The following ANTXR2 variants were observed in gnomAD, a reference collection of about 807,000 sequenced individuals.
The protein encoded by ANTXR2 is ANTXR cell adhesion molecule 2.
In ANTXR2, 44 loss-of-function variants were observed where a neutral mutation model predicts 73.7. The observed-to-expected ratio is 0.60, with a 90% CI of 0.47 to 0.77. The LOEUF (loss-of-function observed/expected upper bound fraction) is 0.77, where lower values mean the gene tolerates loss of function less well. Among genes scored for constraint, ANTXR2 ranks in the 30% least tolerant of loss-of-function variants. The pLI is 0.00. For synonymous variants in ANTXR2, 217 were observed against 205.9 expected, an observed-to-expected ratio of 1.05 and a Z score of -0.46; for missense variants, 604 against 592.5, an observed-to-expected ratio of 1.02 and a Z score of -0.20.
chr4:79,908,738 AG>A (rs1727014664), intron 16 of ANTXR2, among the ~76,000 whole-genome samples: 3 of 152,180 alleles, frequency 2.0e-5, no homozygotes, highest in Non-Finnish European at 1.5e-5. Flanking sequence ...ATAGAAGATC[AG>A]ATTAAAATGA....
intron 16 of ANTXR2, chr4:79,965,060 C>T (rs1008239668): frequency 1.4e-5 from 2 of 145,590 alleles, no homozygotes; most frequent in Non-Finnish European, 3.0e-5. Context: ...GTGAATTCTT[C>T]CACAAACGTG....
At chr4:79,994,767 G>A (rs1389477650) in intron 12 of ANTXR2, among the ~76,000 whole-genome samples, 1 of 151,816 alleles carries the variant, frequency 6.6e-6, no homozygotes, top group African/African-American at 2.4e-5. Flanking sequence ...AGTACCATGG[G>A]AGGCATCTTT....
chr4:79,934,171 A>T (rs554887744), intron 16 of ANTXR2, among the ~76,000 whole-genome samples: 104 of 152,340 alleles, frequency 6.8e-4, no homozygotes, highest in Admixed American at 1.6e-3. Context: ...GAGTATCAGT[A>T]AATGACCATC....
intron 7 of ANTXR2, among the ~76,000 whole-genome samples, chr4:80,041,995 G>T (rs35487995): frequency 0.063 from 9,650 of 152,074 alleles, 411 homozygotes; most frequent in Middle Eastern, 0.1. Context: ...ATTGACTTTG[G>T]ATTTAAAATG....
chr4:80,026,713 A>G (rs150026890), intron 10 of ANTXR2, among the ~76,000 whole-genome samples: 64 of 152,234 alleles, frequency 4.2e-4, no homozygotes, highest in Middle Eastern at 3.4e-3. Context: ...TCCTATAGCA[A>G]TAAAGAACAA....
At chr4:80,007,185 C>T (rs982514672) in intron 12 of ANTXR2, among the ~76,000 whole-genome samples, 6 of 152,022 alleles carry the variant, frequency 3.9e-5, no homozygotes, top group Non-Finnish European at 8.8e-5. Context: ...TAATAATAAA[C>T]GCAGGGCTAA....
chr4:80,035,152 TA>T (rs1732897345), intron 8 of ANTXR2, among the ~76,000 whole-genome samples: 2 of 152,342 alleles, frequency 1.3e-5, no homozygotes, highest in Non-Finnish European at 2.9e-5. Flanking sequence ...ATTTTAATAT[TA>T]TTTTTCCATT....
chr4:79,978,010 A>G lies in ANTXR2; in HGVS notation c.1344T>C (p.Ile448=). The change falls in exon 15 of 17, where the codon ATT becomes ATC. Residue 448 remains isoleucine, a synonymous_variant. Coordinates refer to ENST00000403729, the MANE Select transcript of ANTXR2 (RefSeq NM_058172.6). The part of the protein sequence containing the change: ...QPPQTKWYTP[I]KGRLDALWAL... ...TACACAAAATCTGGACACATACCTTAATTGGGGTGTACCATTTTGTCTGAG... is the reference window on the plus strand; with the variant it reads ...TACACAAAATCTGGACACATACCTTGATTGGGGTGTACCATTTTGTCTGAG... 1 of 1,591,640 alleles carries G rather than the reference A, an allele frequency of 6.3e-7. No individual in the cohort carries two copies. Among genetic ancestry groups the G allele is most frequent in the Non-Finnish European group, 8.5e-7 (1 of 1,172,198 alleles).
At chr4:80,015,954 A>G (rs1052110171) in intron 11 of ANTXR2, among the ~76,000 whole-genome samples, 1 of 121,208 alleles carries the variant, frequency 8.3e-6, no homozygotes, top group Non-Finnish European at 1.7e-5. Flanking sequence ...AAAGGAAAGG[A>G]AAGGAAAGGA....
intron 12 of ANTXR2, among the ~76,000 whole-genome samples, chr4:79,995,362 G>A (rs535676037): frequency 5.3e-5 from 8 of 151,954 alleles, no homozygotes; most frequent in African/African-American, 1.9e-4. Context: ...AAATGTATAA[G>A]TCAAATATTG....
rs114002475 is a variant in ANTXR2 at position 80,072,325 on chromosome 4, G to A, written c.152+84C>T. ...CGGGTTTCCAACACCACTCCCCGGG[G>A]TGCGCACACGCATCTCAGCCTCAGC... On this transcript the variant is annotated intron_variant, in intron 1 of 16. Coordinates refer to ENST00000403729, the MANE Select transcript of ANTXR2 (RefSeq NM_058172.6). 6.9e-4 allele frequency: 971 copies of A among 1,411,982 alleles called. 13 individuals carry two copies. The African/African-American group carries it at 0.012, about 18-fold the overall frequency. The allele number at this position is 1,411,982 out of a possible 1,614,324, so 87.5% of individuals were successfully genotyped here. A position where few individuals can be genotyped will look rare whatever the true frequency, so the allele number is the denominator to read the frequency against.
chr4:80,041,829 T>C (rs1733278496), intron 7 of ANTXR2, among the ~76,000 whole-genome samples: 1 of 152,116 alleles, frequency 6.6e-6, no homozygotes, highest in Admixed American at 6.6e-5. Flanking sequence ...GAGTATTCCA[T>C]GGTGTATATG....
At chr4:80,018,459 C>G (rs1182961364) in intron 11 of ANTXR2, among the ~76,000 whole-genome samples, 2 of 151,984 alleles carry the variant, frequency 1.3e-5, no homozygotes. Context: ...CAGAAAGCAC[C>G]AATATTTTAA....
chr4:79,985,934 C>T (rs532189228), intron 12 of ANTXR2, among the ~76,000 whole-genome samples: 3 of 151,104 alleles, frequency 2.0e-5, no homozygotes, highest in East Asian at 3.9e-4. Flanking sequence ...CTCCACCTCC[C>T]GGGTTCAAGC....
chr4:80,032,905 G>T (rs766800238), intron 9 of ANTXR2, among the ~76,000 whole-genome samples: 1 of 151,098 alleles, frequency 6.6e-6, no homozygotes, highest in Non-Finnish European at 1.5e-5. Flanking sequence ...AACTATGCTG[G>T]GTGAGAATTT....
intron 7 of ANTXR2, among the ~76,000 whole-genome samples, chr4:80,039,456 A>G (rs1323200695): frequency 6.6e-6 from 1 of 152,124 alleles, no homozygotes; most frequent in Non-Finnish European, 1.5e-5. Context: ...ACAAATTGAA[A>G]TGTTCAAGAT....
chr4:79,916,690 G>A (rs532434353), intron 16 of ANTXR2, among the ~76,000 whole-genome samples: 1 of 152,176 alleles, frequency 6.6e-6, no homozygotes, highest in Admixed American at 6.5e-5. Context: ...TTAAGATACA[G>A]ATAGAAAATG....
intron 13 of ANTXR2, 54 bp from the exon 14 acceptor site, chr4:79,984,024 T>C (rs1729998003): frequency 1.6e-6 from 2 of 1,229,290 alleles, no homozygotes; most frequent in Non-Finnish European, 2.3e-6. Flanking sequence ...AAATACTGTT[T>C]AGTCGGAACT....
chr4:79,963,687 G>T (rs1180006213), intron 16 of ANTXR2, among the ~76,000 whole-genome samples: 1 of 151,864 alleles, frequency 6.6e-6, no homozygotes, highest in Non-Finnish European at 1.5e-5. Flanking sequence ...AATATTTTAC[G>T]TTACTATAGA....
Sources: allele counts gnomAD v4.1 joint callset (sites outside exome capture counted in the v4.1 genomes callset), GRCh38; gene constraint gnomAD v4.1.1; transcripts MANE v1.5; gene names NCBI Gene and HGNC (gene_info 2026-07-23, HGNC 2026-07-21).